Variants in TPRG1 observed in about 807,000 individuals in gnomAD.
The protein encoded by TPRG1 is tumor protein p63-regulated gene 1 protein.
A neutral mutation model predicts 29.3 loss-of-function variants in TPRG1; 29 were observed. The observed-to-expected ratio is 0.99, with a 90% CI of 0.74 to 1.35. The LOEUF (loss-of-function observed/expected upper bound fraction) is 1.35, where lower values mean the gene tolerates loss of function less well. TPRG1 is among the 40% of genes most tolerant of loss of function. The probability of loss-of-function intolerance (pLI) is 0.00; values close to 1 mark genes in which losing one functional copy is unlikely to be tolerated. For missense variants in TPRG1, 327 were observed against 335.0 expected (o/e 0.98, Z 0.19); for synonymous variants, 130 against 116.8 (o/e 1.11, Z -0.73).
chr3:189,151,658 A>G (rs560610074), intron 5 of TPRG1, among the ~76,000 whole-genome samples: 2 of 152,232 alleles, frequency 1.3e-5, no homozygotes, highest in South Asian at 2.1e-4. Flanking sequence ...AGGCAGGTGG[A>G]TCACCTAAGG....
chr3:189,255,634 C>A (rs1452848369), intron 4 of TPRG1, among the ~76,000 whole-genome samples: 1 of 152,196 alleles, frequency 6.6e-6, no homozygotes, highest in Non-Finnish European at 1.5e-5. Context: ...TAGAATTCGG[C>A]TGTGAAGCCA....
intron 5 of TPRG1, among the ~76,000 whole-genome samples, chr3:189,160,570 A>G (rs1475526491): frequency 6.6e-6 from 1 of 152,228 alleles, no homozygotes; most frequent in African/African-American, 2.4e-5. Flanking sequence ...GCTGAGAAGA[A>G]AAGAGGGATA....
Position 189,251,876 on chromosome 3 carries a change from G to A in TPRG1, c.479+12967G>A, listed in dbSNP as rs183025194. 3.9e-3 allele frequency among the ~76,000 whole-genome samples: 600 copies of A among 152,230 alleles called. 1 individual carries two copies. The highest frequency in any genetic ancestry group is 0.01 in the Middle Eastern group (3 of 294). ...TTCCACTTGTCTCAACTGCAAAGAG[G>A]CATGCCTTCCTCTTATACTAATCCT... On this transcript the variant is annotated intron_variant, in intron 4 of 5. Transcript: ENST00000345063.
chr3:189,285,645 A>G (rs1224027746), intron 4 of TPRG1, among the ~76,000 whole-genome samples: 1 of 152,200 alleles, frequency 6.6e-6, no homozygotes, highest in South Asian at 2.1e-4. Context: ...TCACATCAAT[A>G]TTACAGACAT....
chr3:189,267,372 C>G (rs1355830700), intron 4 of TPRG1, among the ~76,000 whole-genome samples: 2 of 152,142 alleles, frequency 1.3e-5, no homozygotes, highest in Non-Finnish European at 2.9e-5. Context: ...TGGCCTTGCC[C>G]TCAAATAGCT....
chr3:189,274,789 A>T (rs1027781768), intron 4 of TPRG1, among the ~76,000 whole-genome samples: 1 of 152,210 alleles, frequency 6.6e-6, no homozygotes, highest in African/African-American at 2.4e-5. Flanking sequence ...AAGATAATCA[A>T]TTAATTTTGA....
chr3:189,075,637 G>A (rs1340030801), intron 4 of TPRG1, among the ~76,000 whole-genome samples: 1 of 152,114 alleles, frequency 6.6e-6, no homozygotes, highest in Non-Finnish European at 1.5e-5. Flanking sequence ...ATTTTATAAT[G>A]GCATTCTGGG....
At chr3:189,320,034 T>A (rs890234723) in intron 5 of TPRG1, among the ~76,000 whole-genome samples, 4 of 152,132 alleles carry the variant, frequency 2.6e-5, no homozygotes, top group Non-Finnish European at 5.9e-5. Context: ...ACTCTAACTT[T>A]CATTACTTTT....
chr3:189,198,360 T>C (rs1157909177), intron 1 of TPRG1, among the ~76,000 whole-genome samples: 2 of 152,202 alleles, frequency 1.3e-5, no homozygotes, highest in Admixed American at 1.3e-4. Flanking sequence ...ATCATGACTC[T>C]ATCACAAAAG....
chr3:189,267,495 G>C (rs1714313389), intron 4 of TPRG1: 1 of 152,208 alleles, frequency 6.6e-6, no homozygotes, highest in African/African-American at 2.4e-5. Context: ...TGAGAGCATA[G>C]ACAAGGCAAT....
At chr3:189,268,495 C>G (rs1345728621) in intron 4 of TPRG1, among the ~76,000 whole-genome samples, 1 of 152,156 alleles carries the variant, frequency 6.6e-6, no homozygotes, top group African/African-American at 2.4e-5. Context: ...AGAAATACCT[C>G]CTTAGGAAGT....
At chr3:189,162,292 C>T (rs540976545) in intron 5 of TPRG1, among the ~76,000 whole-genome samples, 3 of 152,172 alleles carry the variant, frequency 2.0e-5, no homozygotes, top group Middle Eastern at 3.4e-3. Flanking sequence ...CGCACCCAGC[C>T]GAAGAAGGAC....
intron 4 of TPRG1, among the ~76,000 whole-genome samples, chr3:189,030,464 C>G (rs1181769047): frequency 6.6e-6 from 1 of 152,160 alleles, no homozygotes; most frequent in Non-Finnish European, 1.5e-5. Context: ...TCTAATTAAT[C>G]TGCATTAAAT....
At chr3:189,227,948 C>G (rs1738014760) in intron 3 of TPRG1, among the ~76,000 whole-genome samples, 1 of 152,072 alleles carries the variant, frequency 6.6e-6, no homozygotes. Context: ...ATGGTGAAAC[C>G]CCTTCTCTAC....
intron 1 of TPRG1, among the ~76,000 whole-genome samples, chr3:189,100,462 C>T (rs1016465608): frequency 2.0e-5 from 3 of 152,210 alleles, no homozygotes; most frequent in Non-Finnish European, 4.4e-5. Flanking sequence ...TCTCCACCCT[C>T]CTCCATAGCA....
chr3:189,101,970 A>G (rs1347697940), intron 1 of TPRG1, among the ~76,000 whole-genome samples: 1 of 152,132 alleles, frequency 6.6e-6, no homozygotes, highest in African/African-American at 2.4e-5. Flanking sequence ...TGAGAAAACT[A>G]ACAAATAGAG....
intron 1 of TPRG1, among the ~76,000 whole-genome samples, chr3:189,180,082 C>T (rs1730012240): frequency 6.6e-6 from 1 of 152,268 alleles, no homozygotes; most frequent in Admixed American, 6.5e-5. Context: ...GGGAATTCCT[C>T]TTTTTAAAAC....
intron 1 of TPRG1, among the ~76,000 whole-genome samples, chr3:189,183,362 A>G (rs1279092666): frequency 6.6e-6 from 1 of 152,202 alleles, no homozygotes; most frequent in Admixed American, 6.5e-5. Flanking sequence ...GCAAGATCAC[A>G]GCACCACAGG....
At chr3:189,112,998 C>T (rs1720731188) in intron 1 of TPRG1, among the ~76,000 whole-genome samples, 1 of 152,162 alleles carries the variant, frequency 6.6e-6, no homozygotes, top group South Asian at 2.1e-4. Flanking sequence ...TTGATTCTTC[C>T]TATCCATGAG....
Sources: allele counts gnomAD v4.1 joint callset (sites outside exome capture counted in the v4.1 genomes callset), GRCh38; gene constraint gnomAD v4.1.1; transcripts MANE v1.5; gene names NCBI Gene and HGNC (gene_info 2026-07-23, HGNC 2026-07-21).